BCO1: variants seen among roughly 807,000 people sequenced by gnomAD.
BCO1 encodes the protein beta,beta-carotene 15,15'-dioxygenase.
In BCO1, 54 loss-of-function variants were observed where a neutral mutation model predicts 56.3. The observed-to-expected ratio is 0.96, with a 90% CI of 0.77 to 1.20. BCO1 has a LOEUF of 1.20. Among genes scored for constraint, BCO1 ranks in the 50% most tolerant of loss-of-function variants. The pLI, the probability that BCO1 is intolerant of heterozygous loss-of-function variation, is 0.00. For missense variants in BCO1, 801 were observed against 690.9 expected, an observed-to-expected ratio of 1.16 and a Z score of -1.79; for synonymous variants, 318 against 266.1, an observed-to-expected ratio of 1.20 and a Z score of -1.90.
intron 1 of BCO1, among the ~76,000 whole-genome samples, chr16:81,241,067 C>T (rs1196814127): frequency 1.3e-5 from 2 of 152,158 alleles, no homozygotes; most frequent in Non-Finnish European, 2.9e-5. Flanking sequence ...CTCCCAACCT[C>T]AGTTGATCCG....
intron 4 of BCO1, chr16:81,262,493 G>C: frequency 1.7e-6 from 1 of 596,176 alleles, no homozygotes; most frequent in East Asian, 3.1e-5. Context: ...TCAGTTTCCT[G>C]GGGCTGATGT....
intron 10 of BCO1, among the ~76,000 whole-genome samples, chr16:81,289,948 T>C (rs1416010884): frequency 6.6e-6 from 1 of 152,186 alleles, no homozygotes; most frequent in Non-Finnish European, 1.5e-5. Flanking sequence ...CACCGCAACC[T>C]CCACTCCCAG....
At chr16:81,246,173 A>ATC (rs1010629128) in intron 2 of BCO1, among the ~76,000 whole-genome samples, 41 of 151,248 alleles carry the variant, frequency 2.7e-4, no homozygotes, top group African/African-American at 8.0e-4. Flanking sequence ...TTGTCTTGCA[A>ATC]TCTCTCTCTC....
chr16:81,266,082 C>A (rs1351180314), intron 5 of BCO1, among the ~76,000 whole-genome samples: 1 of 151,856 alleles, frequency 6.6e-6, no homozygotes, highest in African/African-American at 2.4e-5. Flanking sequence ...CCTGACAAAA[C>A]TTTCTATGAC....
At chr16:81,275,187 G>C (rs562402408) in intron 7 of BCO1, among the ~76,000 whole-genome samples, 4 of 152,358 alleles carry the variant, frequency 2.6e-5, no homozygotes, top group African/African-American at 9.6e-5. Context: ...CCCTTACTCA[G>C]ATGCCCTCTG....
At chr16:81,273,380 C>A (rs1277665475) in intron 7 of BCO1, among the ~76,000 whole-genome samples, 2 of 152,162 alleles carry the variant, frequency 1.3e-5, no homozygotes, top group African/African-American at 4.8e-5. Flanking sequence ...CCACACTTGG[C>A]ACTCTGCAGG....
intron 2 of BCO1, among the ~76,000 whole-genome samples, chr16:81,254,760 G>C (rs971935659): frequency 6.6e-6 from 1 of 152,074 alleles, no homozygotes; most frequent in Non-Finnish European, 1.5e-5. Context: ...TTAGTGACAA[G>C]GTGGATATAT....
intron 6 of BCO1, among the ~76,000 whole-genome samples, chr16:81,269,821 C>A (rs1907072034): frequency 6.6e-6 from 1 of 152,162 alleles, no homozygotes; most frequent in Non-Finnish European, 1.5e-5. Context: ...CCAACTTGGT[C>A]ATTGCCAGGG....
chr16:81,244,540 G>A (rs1422086095), intron 1 of BCO1, among the ~76,000 whole-genome samples: 1 of 151,952 alleles, frequency 6.6e-6, no homozygotes, highest in African/African-American at 2.4e-5. Context: ...ATATTGGACA[G>A]TACAGCTCTA....
Position 81,287,358 on chromosome 16 carries a change from G to A in BCO1, c.1366G>A (p.Ala456Thr), listed in dbSNP as rs1908242146. Residue 456 changes from alanine to threonine, a missense_variant, in exon 10 of 11, where the codon GCG (alanine) becomes ACG (threonine). Physicochemically the swap from Ala to Thr is moderately conservative, Grantham distance 58 (BLOSUM62 0). Coordinates refer to ENST00000258168, the MANE Select transcript of BCO1 (RefSeq NM_017429.3). ...LKWREDDCWP[A>T]EPLFVPAPGA... ...ATGGAGAGAGGACGACTGCTGGCCA[G>A]CGGAACCCCTGTTTGTGCCCGCGCC... The A allele has an allele frequency of 6.2e-7, 1 of 1,614,048 alleles. No homozygotes were observed. Among genetic ancestry groups the A allele is most frequent in the Non-Finnish European group, 8.5e-7 (1 of 1,180,034 alleles).
intron 3 of BCO1, among the ~76,000 whole-genome samples, chr16:81,260,635 A>T (rs1039954019): frequency 6.6e-6 from 1 of 152,034 alleles, no homozygotes; most frequent in African/African-American, 2.4e-5. Context: ...CAGCCTCCCA[A>T]GTAGCTGGGA....
chr16:81,288,297 C>T (rs1260691142), intron 10 of BCO1, among the ~76,000 whole-genome samples: 3 of 152,192 alleles, frequency 2.0e-5, no homozygotes, highest in Non-Finnish European at 4.4e-5. Context: ...GAGTCTTGCT[C>T]TGTTGCCCAG....
chr16:81,249,112 A>ATGGAGTCTCACTCCGTTACCCAGGT lies in BCO1; in HGVS notation c.193+3516_193+3540dup, dbSNP rs1356139221. On this transcript the variant is annotated intron_variant, in intron 2 of 10. Transcript: ENST00000258168. ...TCTTTCTTTTTTTTTTTTTTTTGAG[A>ATGGAGTCTCACTCCGTTACCCAGGT]TGGAGTCTCACTCCGTTACCCAGGT... Among the ~76,000 whole-genome samples, 904 of 100,292 alleles carry ATGGAGTCTCACTCCGTTACCCAGGT rather than the reference A, an allele frequency of 9.0e-3. 18 individuals are homozygous for ATGGAGTCTCACTCCGTTACCCAGGT. Among genetic ancestry groups the ATGGAGTCTCACTCCGTTACCCAGGT allele is most frequent in the African/African-American group, 0.032 (860 of 26,754 alleles). 65.8% of individuals were successfully genotyped at this position (100,292 alleles called of 152,430 possible). A position where few individuals can be genotyped will look rare whatever the true frequency, so the allele number is the denominator to read the frequency against.
chr16:81,249,778 C>T (rs1423080941), intron 2 of BCO1, among the ~76,000 whole-genome samples: 2 of 152,210 alleles, frequency 1.3e-5, no homozygotes, highest in African/African-American at 4.8e-5. Context: ...TTTGTTTTCC[C>T]TCCATCTTTC....
intron 7 of BCO1, among the ~76,000 whole-genome samples, chr16:81,280,178 G>A (rs909088513): frequency 2.1e-5 from 3 of 141,844 alleles, no homozygotes; most frequent in Non-Finnish European, 3.0e-5. Context: ...CAGGAGAATC[G>A]ATTGAACCTG....
At chr16:81,280,790 A>G in intron 7 of BCO1, 67 bp from the exon 8 acceptor site, 1 of 1,174,174 alleles carries the variant, frequency 8.5e-7, no homozygotes, top group Non-Finnish European at 1.3e-6. Flanking sequence ...AAATATATAC[A>G]CTAAAGCAAA....
intron 10 of BCO1, 97 bp downstream of exon 10, chr16:81,287,503 T>C (rs561683097): frequency 1.3e-5 from 12 of 926,396 alleles, no homozygotes; most frequent in East Asian, 2.5e-5. Flanking sequence ...CCCCAGGTCA[T>C]AAAGGGGGTG....
intron 8 of BCO1, among the ~76,000 whole-genome samples, chr16:81,281,938 G>A (rs1182199676): frequency 2.6e-5 from 4 of 152,250 alleles, no homozygotes; most frequent in African/African-American, 7.2e-5. Flanking sequence ...CCCGTGAGGC[G>A]AGAATTGTGT....
At chr16:81,256,081 G>T (rs1345553856) in intron 2 of BCO1, among the ~76,000 whole-genome samples, 1 of 151,576 alleles carries the variant, frequency 6.6e-6, no homozygotes, top group Non-Finnish European at 1.5e-5. Context: ...CTCCCAAATT[G>T]CTAGGATTAC....
Sources: gnomAD v4.1 joint callset for allele counts (sites outside exome capture counted in the v4.1 genomes callset) on GRCh38, gnomAD v4.1.1 for gene constraint, MANE v1.5 for transcripts, NCBI Gene and HGNC (gene_info 2026-07-23, HGNC 2026-07-21) for gene names.